MECOM: variants seen among roughly 807,000 people sequenced by gnomAD.
MECOM encodes the protein MDS1 and EVI1 complex locus.
Under a neutral mutation model 116.3 loss-of-function variants are expected in MECOM, and 13 were observed. The ratio of observed to expected loss-of-function variants is 0.11; its 90% CI spans 0.07 to 0.18. MECOM has a LOEUF of 0.18. MECOM is among the 10% of genes least tolerant of loss of function. MECOM has a pLI of 1.00. For synonymous variants in MECOM, 528 were observed against 535.2 expected, an observed-to-expected ratio of 0.99 and a Z score of 0.19; for missense variants, 1,299 against 1,509.0, an observed-to-expected ratio of 0.86 and a Z score of 2.31.
chr3:169,533,485 C>G (rs2109164116), intron 1 of MECOM, among the ~76,000 whole-genome samples: 1 of 151,858 alleles, frequency 6.6e-6, no homozygotes, highest in African/African-American at 2.4e-5. Flanking sequence ...CGCTGAAATG[C>G]ATGGGTCTAT....
intron 2 of MECOM, among the ~76,000 whole-genome samples, chr3:169,197,626 A>G (rs1748608152): frequency 6.6e-6 from 1 of 152,028 alleles, no homozygotes; most frequent in African/African-American, 2.4e-5. Context: ...ACATCATAGA[A>G]TTCTCTCTGT....
rs373446082 is a variant in MECOM at position 169,518,226 on chromosome 3, T to C, written c.38-136702A>G. ...GTGAGCCGAGATCGCACCACTGCACTCCAGCCTGGGCGACAGAGTGAGACT... is the reference window on the plus strand; with the variant it reads ...GTGAGCCGAGATCGCACCACTGCACCCCAGCCTGGGCGACAGAGTGAGACT... On this transcript the variant is annotated intron_variant, in intron 1 of 16. Coordinates refer to ENST00000651503, the MANE Select transcript of MECOM (RefSeq NM_004991.4). 1.1e-3 allele frequency among the ~76,000 whole-genome samples: 168 copies of C among 150,950 alleles called. 2 individuals are homozygous for C. Among genetic ancestry groups the C allele is most frequent in the African/African-American group, 3.8e-3 (158 of 41,160 alleles).
At chr3:169,349,489 C>A (rs947691789) in intron 2 of MECOM, among the ~76,000 whole-genome samples, 2 of 151,900 alleles carry the variant, frequency 1.3e-5, no homozygotes, top group Non-Finnish European at 2.9e-5. Context: ...TTGGTGTTCA[C>A]ATGTTTAATT....
At chr3:169,261,759 A>AGAT (rs1757585120) in intron 2 of MECOM, among the ~76,000 whole-genome samples, 2 of 151,368 alleles carry the variant, frequency 1.3e-5, no homozygotes, top group African/African-American at 4.9e-5. Context: ...AAGAAGAAGA[A>AGAT]GAGGAAGAAG....
At chr3:169,338,189 C>T (rs1001952955) in intron 2 of MECOM, among the ~76,000 whole-genome samples, 3 of 152,188 alleles carry the variant, frequency 2.0e-5, no homozygotes, top group Admixed American at 6.5e-5. Context: ...TGCCAGGAAC[C>T]TGGCCCTCCT....
At chr3:169,231,675 T>A (rs1753416813) in intron 2 of MECOM, among the ~76,000 whole-genome samples, 1 of 150,904 alleles carries the variant, frequency 6.6e-6, no homozygotes, top group Non-Finnish European at 1.5e-5. Context: ...GGAAGAGAAA[T>A]CTTTGAGGAA....
At chr3:169,381,133 T>A (rs1732323399) in intron 2 of MECOM, 54 bp downstream of exon 2, 7 of 1,465,388 alleles carry the variant, frequency 4.8e-6, no homozygotes, top group Non-Finnish European at 6.5e-6. Context: ...TTAAACAATC[T>A]CTTCTTTACA....
At chr3:169,535,105 C>T (rs1413503140) in intron 1 of MECOM, among the ~76,000 whole-genome samples, 1 of 152,186 alleles carries the variant, frequency 6.6e-6, no homozygotes, top group Non-Finnish European at 1.5e-5. Context: ...TTTCCCTGAA[C>T]TGCCTACCTC....
intron 2 of MECOM, among the ~76,000 whole-genome samples, chr3:169,212,802 C>G (rs540412416): frequency 2.0e-5 from 3 of 151,038 alleles, no homozygotes; most frequent in African/African-American, 7.3e-5. Flanking sequence ...CTTATGTTAT[C>G]CAAATATGCC....
intron 2 of MECOM, among the ~76,000 whole-genome samples, chr3:169,330,185 C>T (rs992784394): frequency 6.6e-6 from 1 of 152,132 alleles, no homozygotes; most frequent in Non-Finnish European, 1.5e-5. Context: ...GCCACCACGA[C>T]CAGCTAATTT....
chr3:169,141,063 T>G (rs1737958670), intron 3 of MECOM, among the ~76,000 whole-genome samples: 1 of 152,054 alleles, frequency 6.6e-6, no homozygotes, highest in African/African-American at 2.4e-5. Context: ...TCTTTTAACA[T>G]TAGAATTTTT....
chr3:169,595,971 A>C (rs1330877870), intron 1 of MECOM, among the ~76,000 whole-genome samples: 1 of 152,208 alleles, frequency 6.6e-6, no homozygotes, highest in East Asian at 1.9e-4. Context: ...TAGCACACCA[A>C]TAATAAGAAT....
At chr3:169,536,850 G>A (rs1266029892) in intron 1 of MECOM, among the ~76,000 whole-genome samples, 2 of 152,150 alleles carry the variant, frequency 1.3e-5, no homozygotes, top group Non-Finnish European at 2.9e-5. Context: ...CTATGTGCCT[G>A]TAATTGATTT....
In MECOM at chr3:169,143,679, GA is replaced by G. The variant is rs1365010981; in HGVS notation, c.510+18del. 4 of 1,550,242 alleles carry G rather than the reference GA, an allele frequency of 2.6e-6. No homozygotes were observed. Among genetic ancestry groups the G allele is most frequent in the Non-Finnish European group, 2.6e-6 (3 of 1,144,952 alleles). On this transcript the variant is annotated intron_variant, in intron 3 of 16. Transcript: ENST00000651503. Reference sequence around the variant, plus strand: ...CTTTTGTGCTCTCAAGGAAAGACAAGAAAATCTTTACAACATACCTGATCAT... The same window carrying G: ...CTTTTGTGCTCTCAAGGAAAGACAAGAAATCTTTACAACATACCTGATCAT...
At chr3:169,278,467 C>T (rs1019040928) in intron 2 of MECOM, among the ~76,000 whole-genome samples, 4 of 152,214 alleles carry the variant, frequency 2.6e-5, no homozygotes, top group African/African-American at 9.6e-5. Flanking sequence ...GCAGTAAAAA[C>T]TTGGTGGCTT....
At chr3:169,367,420 G>A (rs1232396088) in intron 2 of MECOM, among the ~76,000 whole-genome samples, 4 of 151,748 alleles carry the variant, frequency 2.6e-5, no homozygotes, top group Admixed American at 2.6e-4. Flanking sequence ...CTGCCAAGGT[G>A]TAACTATAAG....
chr3:169,132,226 A>G (rs1193449326), intron 3 of MECOM, among the ~76,000 whole-genome samples: 1 of 152,162 alleles, frequency 6.6e-6, no homozygotes, highest in Non-Finnish European at 1.5e-5. Context: ...GCTTTCTAGC[A>G]AAGTGCTGAG....
chr3:169,123,086 T>C (rs1291639625), intron 5 of MECOM, among the ~76,000 whole-genome samples: 1 of 151,726 alleles, frequency 6.6e-6, no homozygotes, highest in African/African-American at 2.4e-5. Context: ...ACTCACTTAA[T>C]TGAAACACAA....
At chr3:169,311,591 A>G (rs1440356731) in intron 2 of MECOM, among the ~76,000 whole-genome samples, 2 of 152,234 alleles carry the variant, frequency 1.3e-5, no homozygotes, top group African/African-American at 4.8e-5. Context: ...GACACAGTTT[A>G]CATAATACAG....
Sources: gnomAD v4.1 joint callset for allele counts (sites outside exome capture counted in the v4.1 genomes callset) on GRCh38, gnomAD v4.1.1 for gene constraint, MANE v1.5 for transcripts, NCBI Gene and HGNC (gene_info 2026-07-23, HGNC 2026-07-21) for gene names.